PRKD1: variants seen among roughly 807,000 people sequenced by gnomAD.
PRKD1 encodes the protein serine/threonine-protein kinase D1.
A neutral mutation model predicts 95.9 loss-of-function variants in PRKD1; 63 were observed. The observed-to-expected ratio is 0.66, with a 90% CI of 0.54 to 0.81. PRKD1 has a LOEUF of 0.81. PRKD1 is among the 30% of genes least tolerant of loss of function. PRKD1 has a pLI of 0.00. For synonymous variants in PRKD1, 425 were observed against 423.1 expected, an observed-to-expected ratio of 1.00 and a Z score of -0.05; for missense variants, 1,048 against 1,165.3, an observed-to-expected ratio of 0.90 and a Z score of 1.47.
At position 29,597,775 on chromosome 14, in the gene PRKD1, T is replaced by C; in HGVS notation, c.2167-17A>G. 1 of 1,601,582 alleles carries C rather than the reference T, an allele frequency of 6.2e-7. No homozygotes were observed. Among genetic ancestry groups the C allele is most frequent in the East Asian group, 2.2e-5 (1 of 44,702 alleles). On this transcript the variant is annotated splice_polypyrimidine_tract_variant and intron_variant, in intron 15 of 17. Transcript: ENST00000331968. Reference sequence around the variant, plus strand: ...AAGTTTCACCTGTTGATGAAAGGATTTGCAGAAATACTCCGTTCACAATTG... The same window carrying C: ...AAGTTTCACCTGTTGATGAAAGGATCTGCAGAAATACTCCGTTCACAATTG...
intron 13 of PRKD1, among the ~76,000 whole-genome samples, chr14:29,613,312 T>A (rs1221382527): frequency 1.3e-5 from 2 of 152,230 alleles, no homozygotes; most frequent in East Asian, 3.9e-4. Context: ...CATTTTCTTG[T>A]GCACACTTAG....
intron 13 of PRKD1, among the ~76,000 whole-genome samples, chr14:29,621,608 G>A (rs1012788015): frequency 1.3e-5 from 2 of 152,068 alleles, no homozygotes; most frequent in African/African-American, 4.8e-5. Context: ...CCATTGTACA[G>A]GTTATGTGAT....
chr14:29,656,392 A>G, intron 4 of PRKD1: 1 of 1,343,728 alleles, frequency 7.4e-7, no homozygotes. Flanking sequence ...GTCAGTACAG[A>G]CAATTGTCTG....
Position 29,681,788 on chromosome 14 carries a change from C to T in PRKD1, c.404-15580G>A, listed in dbSNP as rs45469498. Among the ~76,000 whole-genome samples, 1,353 of 152,282 alleles carry T rather than the reference C, an allele frequency of 8.9e-3. 17 individuals carry two copies. Among genetic ancestry groups the T allele is most frequent in the African/African-American group, 0.031 (1,300 of 41,562 alleles). On this transcript the variant is annotated intron_variant, in intron 2 of 17. Coordinates refer to ENST00000331968, the MANE Select transcript of PRKD1 (RefSeq NM_002742.3). ...ATAGTTACATTGTCCTGTGTAAAAACCAAGCTCACTCTCATGGATCATAGC... is the reference window on the plus strand; with the variant it reads ...ATAGTTACATTGTCCTGTGTAAAAATCAAGCTCACTCTCATGGATCATAGC...
chr14:29,819,181 G>C (rs1890808229), intron 1 of PRKD1, among the ~76,000 whole-genome samples: 1 of 152,160 alleles, frequency 6.6e-6, no homozygotes, highest in South Asian at 2.1e-4. Flanking sequence ...TGGCTCAATT[G>C]ATAAAACTGA....
chr14:29,612,916 G>T (rs1330374263), intron 13 of PRKD1, among the ~76,000 whole-genome samples: 2 of 152,122 alleles, frequency 1.3e-5, no homozygotes, highest in Non-Finnish European at 2.9e-5. Context: ...GGCTAACAAG[G>T]TGAAACCCCG....
At chr14:29,920,068 A>AAG (rs1566672303) in intron 1 of PRKD1, among the ~76,000 whole-genome samples, 12 of 96,942 alleles carry the variant, frequency 1.2e-4, no homozygotes, top group African/African-American at 1.4e-4. Context: ...AAGGAAGGAA[A>AAG]GAAGGAAGGA....
chr14:29,597,454 G>T lies in PRKD1; in HGVS notation c.2434+37C>A. On this transcript the variant is annotated intron_variant, in intron 16 of 17. Coordinates refer to ENST00000331968, the MANE Select transcript of PRKD1 (RefSeq NM_002742.3). ...TAAATTAATAACATAAACAAATAAG[G>T]ATTAGATTATTATCATTTTTGAATG... 2.0e-6 allele frequency: 3 copies of T among 1,507,474 alleles called. No homozygotes were observed. The South Asian group carries it at 3.9e-5, about 20-fold the overall frequency. 93.4% of individuals were successfully genotyped at this position (1,507,474 alleles called of 1,614,324 possible). A position where few individuals can be genotyped will look rare whatever the true frequency, so the allele number is the denominator to read the frequency against.
rs1880578012 is a variant in PRKD1, at chr14:29,639,008, A to T, written c.697-104T>A. On this transcript the variant is annotated intron_variant, in intron 4 of 17. Transcript: ENST00000331968. ...GTTTACTCTTGTATTTAGTACTTTGATGTTTAATAATATGAAATCATACTG... is the reference window on the plus strand; with the variant it reads ...GTTTACTCTTGTATTTAGTACTTTGTTGTTTAATAATATGAAATCATACTG... 4.9e-6 allele frequency: 4 copies of T among 820,236 alleles called. No homozygotes were observed. The East Asian group carries it at 1.1e-4, about 22-fold the overall frequency. 50.8% of individuals were successfully genotyped at this position (820,236 alleles called of 1,614,324 possible). A position where few individuals can be genotyped will look rare whatever the true frequency, so the allele number is the denominator to read the frequency against.
At chr14:29,883,145 G>A (rs981313684) in intron 1 of PRKD1, among the ~76,000 whole-genome samples, 1 of 152,072 alleles carries the variant, frequency 6.6e-6, no homozygotes, top group Admixed American at 6.5e-5. Context: ...AGAGAGAGTG[G>A]GGAAGGGTGC....
chr14:29,863,815 A>G (rs1052434029), intron 1 of PRKD1, among the ~76,000 whole-genome samples: 3 of 152,286 alleles, frequency 2.0e-5, no homozygotes, highest in Middle Eastern at 3.4e-3. Context: ...GTCATGAAAT[A>G]CACACTTTTT....
At chr14:29,607,999 T>A (rs1362790829) in intron 13 of PRKD1, among the ~76,000 whole-genome samples, 1 of 152,108 alleles carries the variant, frequency 6.6e-6, no homozygotes, top group African/African-American at 2.4e-5. Flanking sequence ...AGGGAAAGAG[T>A]TCACAAACAA....
chr14:29,649,027 T>A (rs1425995274), intron 4 of PRKD1, among the ~76,000 whole-genome samples: 1 of 152,212 alleles, frequency 6.6e-6, no homozygotes, highest in Non-Finnish European at 1.5e-5. Flanking sequence ...ATTTTTGCCA[T>A]TTTTAAAACT....
chr14:29,618,159 C>T (rs1206041925), intron 13 of PRKD1, among the ~76,000 whole-genome samples: 1 of 152,090 alleles, frequency 6.6e-6, no homozygotes, highest in Non-Finnish European at 1.5e-5. Flanking sequence ...AATCACAAAA[C>T]ATCCTTTTAT....
At chr14:29,830,978 C>G (rs148749513) in intron 1 of PRKD1, among the ~76,000 whole-genome samples, 339 of 152,236 alleles carry the variant, frequency 2.2e-3, no homozygotes, top group Admixed American at 6.3e-3. Context: ...ACCCACTGCA[C>G]CCAGCAGAAA....
intron 1 of PRKD1, among the ~76,000 whole-genome samples, chr14:29,898,262 T>C (rs1216515443): frequency 6.6e-6 from 1 of 152,146 alleles, no homozygotes; most frequent in Non-Finnish European, 1.5e-5. Context: ...TTAAATATGA[T>C]AATCATCTAA....
At chr14:29,731,203 T>C (rs902191760) in intron 1 of PRKD1, among the ~76,000 whole-genome samples, 3 of 152,186 alleles carry the variant, frequency 2.0e-5, no homozygotes, top group African/African-American at 7.2e-5. Context: ...CTTTAACCCA[T>C]GGGTTATTCA....
At chr14:29,650,033 T>C (rs76661723) in intron 4 of PRKD1, among the ~76,000 whole-genome samples, 4,117 of 152,194 alleles carry the variant, frequency 0.027, 188 homozygotes, top group African/African-American at 0.094. Context: ...CTCCCTTTCC[T>C]GGTTGGGGTA....
chr14:29,865,954 TA>T (rs1320317806), intron 1 of PRKD1, among the ~76,000 whole-genome samples: 6 of 152,316 alleles, frequency 3.9e-5, no homozygotes, highest in South Asian at 2.1e-4. Context: ...GTTTATAAGA[TA>T]TTTTTTAACC....
Sources: gnomAD v4.1 joint callset for allele counts (sites outside exome capture counted in the v4.1 genomes callset) on GRCh38, gnomAD v4.1.1 for gene constraint, MANE v1.5 for transcripts, NCBI Gene and HGNC (gene_info 2026-07-23, HGNC 2026-07-21) for gene names.